Variants in LOC128706666 observed in about 807,000 individuals in gnomAD.
chr20:10,427,619 CA>C, the LOC128706666 span, among the ~76,000 whole-genome samples: 1 of 152,172 alleles, frequency 6.6e-6, no homozygotes, highest in Non-Finnish European at 1.5e-5. Flanking sequence ...TGAATTGTGG[CA>C]TTTTTTCTGT....
At chr20:10,418,813 A>T in the LOC128706666 span, among the ~76,000 whole-genome samples, 3 of 152,110 alleles carry the variant, frequency 2.0e-5, no homozygotes, top group African/African-American at 7.2e-5. Context: ...CATACATAAT[A>T]TAATGGTCTT....
At chr20:10,421,154 G>T in the LOC128706666 span, among the ~76,000 whole-genome samples, 29 of 152,144 alleles carry the variant, frequency 1.9e-4, no homozygotes, top group South Asian at 2.1e-4. Flanking sequence ...TACAGGCTGA[G>T]GGTGGTGGCT....
chr20:10,421,534 G>A, the LOC128706666 span, among the ~76,000 whole-genome samples: 1 of 152,046 alleles, frequency 6.6e-6, no homozygotes, highest in East Asian at 1.9e-4. Flanking sequence ...TAGTGATAGT[G>A]TTTCAACTGC....
At chr20:10,425,790 A>AAG in the LOC128706666 span, among the ~76,000 whole-genome samples, 350 of 149,274 alleles carry the variant, frequency 2.3e-3, 1 homozygote, top group African/African-American at 8.1e-3. Flanking sequence ...GCAAAGCAAC[A>AAG]AGAGAAATGA....
chr20:10,420,695 C>A, the LOC128706666 span: 3 of 152,126 alleles, frequency 2.0e-5, no homozygotes, highest in Non-Finnish European at 2.9e-5. Context: ...GGGACCATAA[C>A]AACCAAAACT....
At chr20:10,415,877 A>G in the LOC128706666 span, among the ~76,000 whole-genome samples, 4 of 152,196 alleles carry the variant, frequency 2.6e-5, no homozygotes, top group Non-Finnish European at 4.4e-5. Context: ...TGACAAAGAA[A>G]TCACTGAAAG....
At chr20:10,415,688 T>G in the LOC128706666 span, among the ~76,000 whole-genome samples, 8 of 152,226 alleles carry the variant, frequency 5.3e-5, no homozygotes, top group South Asian at 8.3e-4. Flanking sequence ...ACGTTAAAAC[T>G]TACATACACA....
chr20:10,414,331 T>A, the LOC128706666 span, among the ~76,000 whole-genome samples: 1 of 149,116 alleles, frequency 6.7e-6, no homozygotes, highest in African/African-American at 2.5e-5. Context: ...AATGGCGTGA[T>A]CTTGGCTCAC....
the LOC128706666 span, among the ~76,000 whole-genome samples, chr20:10,422,836 C>G: frequency 6.6e-6 from 1 of 151,792 alleles, no homozygotes; most frequent in African/African-American, 2.4e-5. Context: ...CTCAGCCTCC[C>G]GAGTAGCTGG....
the LOC128706666 span, among the ~76,000 whole-genome samples, chr20:10,426,644 C>G: frequency 6.6e-6 from 1 of 152,136 alleles, no homozygotes; most frequent in African/African-American, 2.4e-5. Context: ...GTGATATGTC[C>G]GCCTCAGCCT....
chr20:10,421,522 T>G, the LOC128706666 span, among the ~76,000 whole-genome samples: 1 of 152,170 alleles, frequency 6.6e-6, no homozygotes, highest in East Asian at 1.9e-4. Flanking sequence ...TCTGACAGGA[T>G]GTAGTGATAG....
At chr20:10,427,717 CT>C in the LOC128706666 span, among the ~76,000 whole-genome samples, 1 of 152,134 alleles carries the variant, frequency 6.6e-6, no homozygotes, top group Non-Finnish European at 1.5e-5. Flanking sequence ...TTTCCTTTTT[CT>C]TTTCCAACTA....
At chr20:10,430,572 G>A in the LOC128706666 span, among the ~76,000 whole-genome samples, 1 of 152,304 alleles carries the variant, frequency 6.6e-6, no homozygotes, top group South Asian at 2.1e-4. Context: ...ATAAAGGAAG[G>A]CCCACTTCTC....
At chr20:10,433,603 T>G in the LOC128706666 span, among the ~76,000 whole-genome samples, 27 of 152,200 alleles carry the variant, frequency 1.8e-4, no homozygotes, top group Non-Finnish European at 3.5e-4. Context: ...GGGTCATCCC[T>G]ACAAGGTCCA....
At chr20:10,427,411 A>C in the LOC128706666 span, among the ~76,000 whole-genome samples, 1 of 152,238 alleles carries the variant, frequency 6.6e-6, no homozygotes, top group Non-Finnish European at 1.5e-5. Flanking sequence ...CATGAGAAGA[A>C]CATTAGATAG....
At chr20:10,424,106 G>A in the LOC128706666 span, among the ~76,000 whole-genome samples, 2 of 152,080 alleles carry the variant, frequency 1.3e-5, no homozygotes, top group Admixed American at 1.3e-4. Context: ...TATTTTTAGA[G>A]TTTTCATTTA....
At chr20:10,427,865 C>A in the LOC128706666 span, among the ~76,000 whole-genome samples, 2 of 152,142 alleles carry the variant, frequency 1.3e-5, no homozygotes, top group Non-Finnish European at 2.9e-5. Flanking sequence ...CAAATCCTAC[C>A]ACCTTCCCCA....
the LOC128706666 span, among the ~76,000 whole-genome samples, chr20:10,428,197 T>C: frequency 1.3e-5 from 2 of 152,366 alleles, no homozygotes; most frequent in Admixed American, 6.5e-5. Context: ...TAGTGGTTTA[T>C]AGAGTTGTCT....
At chr20:10,414,815 A>T in the LOC128706666 span, among the ~76,000 whole-genome samples, 1 of 152,190 alleles carries the variant, frequency 6.6e-6, no homozygotes, top group African/African-American at 2.4e-5. Context: ...CCAAAAAACA[A>T]ACCATGTTTT....
Sources: gnomAD v4.1 joint callset for allele counts (sites outside exome capture counted in the v4.1 genomes callset) on GRCh38, gnomAD v4.1.1 for gene constraint, MANE v1.5 for transcripts.